SMTNL2: variants seen among roughly 807,000 people sequenced by gnomAD.
SMTNL2 encodes the protein smoothelin like 2.
SMTNL2 carries 43 observed loss-of-function variants against 44.1 expected under a neutral mutation model. That is an observed-to-expected ratio of 0.98 (90% CI 0.76 to 1.26). The LOEUF is 1.26. Among genes scored for constraint, SMTNL2 ranks in the 50% most tolerant of loss-of-function variants. The pLI, the probability that SMTNL2 is intolerant of heterozygous loss-of-function variation, is 0.00. For synonymous variants in SMTNL2, 317 were observed against 287.6 expected, an observed-to-expected ratio of 1.10 and a Z score of -1.03; for missense variants, 646 against 670.2, an observed-to-expected ratio of 0.96 and a Z score of 0.40.
intron 7 of SMTNL2, among the ~76,000 whole-genome samples, chr17:4,602,534 G>T (rs1366938479): frequency 6.6e-6 from 1 of 152,032 alleles, no homozygotes; most frequent in Admixed American, 6.5e-5. Flanking sequence ...TGTTGGCCAG[G>T]CTGGTCTTGA....
Position 4,584,989 on chromosome 17 carries a change from G to A in SMTNL2, c.384G>A (p.Leu128=). Residue 128 remains leucine, a synonymous_variant, in exon 1 of 8, where the codon CTG becomes CTA. Transcript: ENST00000389313. The part of the protein sequence containing the change: ...ARFASHATFS[L]SGRGQSLDHD... ...TCGCCAGCCACGCCACCTTCTCGCTGTCCGGCCGCGGCCAGGTGAGCCCGG... is the reference window on the plus strand; with the variant it reads ...TCGCCAGCCACGCCACCTTCTCGCTATCCGGCCGCGGCCAGGTGAGCCCGG... 7.3e-7 allele frequency: 1 copy of A among 1,369,780 alleles called. No individual in the cohort carries two copies. Among genetic ancestry groups the A allele is most frequent in the Non-Finnish European group, 9.4e-7 (1 of 1,063,424 alleles). 84.9% of individuals were successfully genotyped at this position (1,369,780 alleles called of 1,614,324 possible).
intron 7 of SMTNL2, among the ~76,000 whole-genome samples, chr17:4,603,653 C>T (rs1910134281): frequency 6.6e-6 from 1 of 151,976 alleles, no homozygotes; most frequent in East Asian, 1.9e-4. Context: ...CTGAGGCCAC[C>T]GCCGTCAGTG....
Position 4,596,985 on chromosome 17 carries a change from C to A in SMTNL2, c.1107+8C>A. 1 of 1,494,710 alleles carries A rather than the reference C, an allele frequency of 6.7e-7. No individual in the cohort carries two copies. 92.6% of individuals were successfully genotyped at this position (1,494,710 alleles called of 1,614,324 possible). A position where few individuals can be genotyped will look rare whatever the true frequency, so the allele number is the denominator to read the frequency against. On this transcript the variant is annotated splice_region_variant and intron_variant, in intron 6 of 7. Transcript: ENST00000389313. ...AAGACGCTGGGCTACCAGGTGAGCC[C>A]CGGCTCCCCTCCGGCTGCTGGGACG...
At chr17:4,606,771 G>A (rs531853290) in intron 7 of SMTNL2, among the ~76,000 whole-genome samples, 66 of 152,138 alleles carry the variant, frequency 4.3e-4, no homozygotes, top group African/African-American at 1.4e-3. Context: ...TTAGCCAGGC[G>A]TGGTGGCAGA....
chr17:4,602,759 C>T (rs1910102241), intron 7 of SMTNL2, among the ~76,000 whole-genome samples: 1 of 152,178 alleles, frequency 6.6e-6, no homozygotes, highest in South Asian at 2.1e-4. Flanking sequence ...ACAGAGAATG[C>T]TCTCTGCCTG....
chr17:4,590,911 G>A (rs1909545931), intron 1 of SMTNL2, among the ~76,000 whole-genome samples: 1 of 152,194 alleles, frequency 6.6e-6, no homozygotes, highest in African/African-American at 2.4e-5. Flanking sequence ...AGGGCAGGCA[G>A]CTTGGGCGGC....
At chr17:4,606,835 G>A (rs1022712210) in intron 7 of SMTNL2, among the ~76,000 whole-genome samples, 7 of 152,218 alleles carry the variant, frequency 4.6e-5, no homozygotes, top group African/African-American at 9.6e-5. Context: ...ACTCGAACCC[G>A]GGAGGCAGAG....
chr17:4,594,043 G>C lies in SMTNL2; in HGVS notation c.806+146G>C, dbSNP rs140584127. ...TCTCGGGAGCACTGGGCGGCAGGATGGGGGGAAGGTCTGAGCAGGGGGAGT... is the reference window on the plus strand; with the variant it reads ...TCTCGGGAGCACTGGGCGGCAGGATCGGGGGAAGGTCTGAGCAGGGGGAGT... On this transcript the variant is annotated intron_variant, in intron 4 of 7. Transcript: ENST00000389313. The C allele has an allele frequency of 6.3e-4, 477 of 757,808 alleles. 1 individual carries two copies. The African/African-American group carries it at 7.6e-3, about 12-fold the overall frequency. 46.9% of individuals were successfully genotyped at this position (757,808 alleles called of 1,614,324 possible). A position where few individuals can be genotyped will look rare whatever the true frequency, so the allele number is the denominator to read the frequency against.
intron 1 of SMTNL2, among the ~76,000 whole-genome samples, chr17:4,589,041 T>C (rs949594178): frequency 6.6e-6 from 1 of 152,198 alleles, no homozygotes; most frequent in African/African-American, 2.4e-5. Flanking sequence ...GCAGGGGAGC[T>C]TGGGAGTCTG....
Position 4,595,246 on chromosome 17 carries a change from C to A in SMTNL2, c.908C>A (p.Ser303Ter). 1 of 1,613,224 alleles carries A rather than the reference C, an allele frequency of 6.2e-7. No homozygotes were observed. The highest frequency in any genetic ancestry group is 2.2e-5 in the East Asian group (1 of 44,870). Residue 303 changes from serine to a stop codon, truncating the protein, a stop_gained, in exon 5 of 8, where the codon TCG becomes TAG. Transcript: ENST00000389313. LOFTEE classifies it high-confidence loss of function. This position sits in a 1 kb window ranked among gnomAD's most constrained non-coding sequence, Gnocchi z 5.1. The part of the protein sequence containing the change: ...QGERRRELVR[S>*]QTLPRTSEAQ... ...GAGCGTCGCAGGGAGCTGGTGAGGT[C>A]GCAGACGCTGCCCCGCACCTCGGAG...
rs995529310 is a variant in SMTNL2, at chr17:4,600,697, G to A, written c.1259+3374G>A. On this transcript the variant is annotated intron_variant, in intron 7 of 7. Transcript: ENST00000389313. This position sits in a 1 kb window ranked among gnomAD's most constrained non-coding sequence, Gnocchi z 4.7. ...TCAGGGTCTGGAACGAGGGAGGACC[G>A]GCCCCTTTTATGGAAGGGGCTGAGT... 6.6e-6 allele frequency among the ~76,000 whole-genome samples: 1 copy of A among 152,150 alleles called. No homozygotes were observed. The highest frequency in any genetic ancestry group is 2.1e-4 in the South Asian group (1 of 4,818).
intron 1 of SMTNL2, among the ~76,000 whole-genome samples, chr17:4,586,470 AT>A (rs1215708360): frequency 1.3e-5 from 2 of 151,350 alleles, no homozygotes; most frequent in African/African-American, 2.4e-5. Context: ...AAAAAAAAAA[AT>A]GTCAGGTTCA....
intron 3 of SMTNL2, among the ~76,000 whole-genome samples, chr17:4,593,406 T>C (rs1396437310): frequency 1.3e-5 from 2 of 152,164 alleles, no homozygotes; most frequent in African/African-American, 4.8e-5. Context: ...TTTATTACAG[T>C]TGGAAGGTGG....
At chr17:4,605,153 G>GTTTTTTTT (rs753950451) in intron 7 of SMTNL2, among the ~76,000 whole-genome samples, 4 of 82,250 alleles carry the variant, frequency 4.9e-5, no homozygotes, top group South Asian at 4.9e-4. Context: ...TTTTTGTTTG[G>GTTTTTTTT]TTTTTTTTTT....
At chr17:4,593,451 C>T (rs1909669111) in intron 3 of SMTNL2, among the ~76,000 whole-genome samples, 1 of 152,252 alleles carries the variant, frequency 6.6e-6, no homozygotes, top group South Asian at 2.1e-4. Context: ...TGTCCCCTCC[C>T]TCAAGGCCCC....
chr17:4,602,396 C>T (rs1567637993), intron 7 of SMTNL2, among the ~76,000 whole-genome samples: 1 of 142,852 alleles, frequency 7.0e-6, no homozygotes, highest in Non-Finnish European at 1.5e-5. Context: ...AATCTCAGCT[C>T]ACTGCAACTT....
In SMTNL2 at chr17:4,593,040, T is replaced by C; in HGVS notation, c.599T>C (p.Ile200Thr). Reference protein sequence around the residue: ...LRLPHQPVTAITRVSDRFSGE... With the variant: ...LRLPHQPVTATTRVSDRFSGE... ...CTGCCCCACCAGCCAGTCACGGCCA[T>C]CACCCGAGTCTCTGACAGGTTCTCT... Residue 200 changes from isoleucine (I) to threonine (T), a missense_variant, in exon 3 of 8, where the codon ATC (isoleucine) becomes ACC (threonine). Coordinates refer to ENST00000389313, the MANE Select transcript of SMTNL2 (RefSeq NM_001114974.2). 1 of 1,614,034 alleles carries C rather than the reference T, an allele frequency of 6.2e-7. No homozygotes were observed. The highest frequency in any genetic ancestry group is 2.2e-5 in the East Asian group (1 of 44,890).
chr17:4,592,413 C>T lies in SMTNL2; in HGVS notation c.452C>T (p.Ser151Phe). ...SESEMRKTSN[S>F]CIMENGHQPG... Reference sequence around the variant, plus strand: ...TCGGAGATGAGAAAGACCTCAAACTCCTGCATCATGGAAAATGGGCACCAG... The same window carrying T: ...TCGGAGATGAGAAAGACCTCAAACTTCTGCATCATGGAAAATGGGCACCAG... The change falls in exon 2 of 8, where the codon TCC becomes TTC. Residue 151 changes from serine (S) to phenylalanine (F), a missense_variant. Transcript: ENST00000389313. The surrounding 1 kb of genome is among the most constrained non-coding windows in gnomAD (Gnocchi z 4.5). The T allele has an allele frequency of 6.2e-7, 1 of 1,613,480 alleles. No individual in the cohort carries two copies. Among genetic ancestry groups the T allele is most frequent in the Non-Finnish European group, 8.5e-7 (1 of 1,179,906 alleles).
At chr17:4,588,739 G>T (rs1177367570) in intron 1 of SMTNL2, among the ~76,000 whole-genome samples, 1 of 152,208 alleles carries the variant, frequency 6.6e-6, no homozygotes, top group Non-Finnish European at 1.5e-5. Flanking sequence ...ACTGACCCAG[G>T]TCCTGGAAGA....
Sources: gnomAD v4.1 joint callset for allele counts (sites outside exome capture counted in the v4.1 genomes callset) on GRCh38, gnomAD v4.1.1 for gene constraint, Gnocchi (gnomAD v3.1) non-coding constraint, MANE v1.5 for transcripts, NCBI Gene and HGNC (gene_info 2026-07-23, HGNC 2026-07-21) for gene names.